The following GART variants were observed in gnomAD, a reference collection of about 807,000 sequenced individuals.
GART encodes the protein trifunctional purine biosynthetic protein adenosine-3.
GART carries 43 observed loss-of-function variants against 107.2 expected under a neutral mutation model. That is an observed-to-expected ratio of 0.40 (90% CI 0.31 to 0.52). The LOEUF is 0.52. GART is among the 20% of genes least tolerant of loss of function. The pLI is 0.52. For synonymous variants in GART, 434 were observed against 427.0 expected, an observed-to-expected ratio of 1.02 and a Z score of -0.20; for missense variants, 1,107 against 1,206.5, an observed-to-expected ratio of 0.92 and a Z score of 1.22.
intron 8 of GART, 114 bp downstream of exon 8, chr21:33,528,736 A>T (rs2085123837): frequency 9.8e-7 from 1 of 1,017,174 alleles, no homozygotes; most frequent in Admixed American, 3.0e-5. Flanking sequence ...ACATTTAAAA[A>T]ATGGTCCATT....
At chr21:33,534,874 G>A in intron 3 of GART, 121 bp from the exon 4 acceptor site, 1 of 788,128 alleles carries the variant, frequency 1.3e-6, no homozygotes, top group Non-Finnish European at 1.9e-6. Context: ...GGTGGCAGAG[G>A]ATAACTAACT....
intron 16 of GART, among the ~76,000 whole-genome samples, chr21:33,512,764 T>A (rs76886573): frequency 5.9e-4 from 9 of 15,306 alleles, no homozygotes; most frequent in African/African-American, 1.4e-3. Flanking sequence ...ATTTAAAAAA[T>A]TTTTTTTTTG....
Position 33,535,252 on chromosome 21 carries a change from C to A in GART, c.214G>T (p.Val72Phe). 1 of 1,426,346 alleles carries A rather than the reference C, an allele frequency of 7.0e-7. No homozygotes were observed. The highest frequency in any genetic ancestry group is 9.4e-7 in the Non-Finnish European group (1 of 1,065,824). 88.4% of individuals were successfully genotyped at this position (1,426,346 alleles called of 1,614,324 possible). Reference protein sequence around the residue: ...CKEKKIEFVVVGPEAPLAAGI... With the variant: ...CKEKKIEFVVFGPEAPLAAGI... Reference sequence around the variant, plus strand: ...GCAGCCAGAGGTGCTTCTGGTCCAACAACTACAAATTCAATTTTCTTCTCT... The same window carrying A: ...GCAGCCAGAGGTGCTTCTGGTCCAAAAACTACAAATTCAATTTTCTTCTCT... The change falls in exon 3 of 22, where the codon GTT becomes TTT. Residue 72 changes from valine (V) to phenylalanine (F), a missense_variant. Val to Phe is a conservative substitution (Grantham distance 50). Transcript: ENST00000381815.
chr21:33,509,599 G>T, intron 18 of GART, 184 bp downstream of exon 18: 1 of 462,668 alleles, frequency 2.2e-6, no homozygotes, highest in Non-Finnish European at 3.6e-6. Context: ...TTTTTTCTTT[G>T]GGAGCTGTCT....
intron 2 of GART, among the ~76,000 whole-genome samples, chr21:33,536,661 T>A (rs983860831): frequency 6.6e-6 from 1 of 152,212 alleles, no homozygotes; most frequent in African/African-American, 2.4e-5. Context: ...ATTATAACTA[T>A]ATGCCAGCAT....
In GART at chr21:33,521,371, CCT is replaced by C. The variant is rs566026380; in HGVS notation, c.1394-358_1394-357del. On this transcript the variant is annotated intron_variant, in intron 12 of 21. Transcript: ENST00000381815. ...TTAAGGCTGGGCGTGGTGGCTCACC[CCT>C]GTAATCCCAGCACTTTGGGAGGCCG... 5.4e-3 allele frequency among the ~76,000 whole-genome samples: 824 copies of C among 152,186 alleles called. 9 individuals carry two copies. The highest frequency in any genetic ancestry group is 0.019 in the African/African-American group (786 of 41,532).
chr21:33,515,674 A>AC (rs2084863690), intron 16 of GART, among the ~76,000 whole-genome samples: 1 of 150,450 alleles, frequency 6.6e-6, no homozygotes, highest in Non-Finnish European at 1.5e-5. Flanking sequence ...AAAAAAAAAA[A>AC]ACGAAAAACA....
chr21:33,518,790 C>G, intron 14 of GART: 1 of 492,428 alleles, frequency 2.0e-6, no homozygotes, highest in Non-Finnish European at 4.0e-6. Context: ...TTGGGCAGAG[C>G]TTCAGTCGGT....
Position 33,517,089 on chromosome 21 carries a change from G to C in GART, c.2007C>G (p.Val669=). The stretch of plus-strand genomic sequence containing the variant: ...AGGCTTTGACATGTCCTGAACGTAG[G>C]ACAGGTAACAGTGAATGGCTGTAGA... ...TRIYSHSLLP[V]LRSGHVKAFA... Residue 669 remains valine, a synonymous_variant, in exon 16 of 22, where the codon GTC becomes GTG. Transcript: ENST00000381815. The C allele has an allele frequency of 6.2e-7, 1 of 1,613,850 alleles. No homozygotes were observed. Among genetic ancestry groups the C allele is most frequent in the Non-Finnish European group, 8.5e-7 (1 of 1,179,902 alleles).
intron 8 of GART, 57 bp from the exon 9 acceptor site, chr21:33,528,661 C>T: frequency 1.7e-6 from 2 of 1,178,194 alleles, no homozygotes; most frequent in East Asian, 5.0e-5. Context: ...GATGAAGACA[C>T]TGTATTACAA....
At chr21:33,531,406 G>T in intron 6 of GART, 83 bp downstream of exon 6, 3 of 1,164,608 alleles carry the variant, frequency 2.6e-6, no homozygotes, top group South Asian at 1.4e-5. Flanking sequence ...AGCAACCAGA[G>T]TATATCAAGT....
Position 33,517,367 on chromosome 21 carries a change from G to C in GART, c.1944C>G (p.Asp648Glu). 1 of 1,614,060 alleles carries C rather than the reference G, an allele frequency of 6.2e-7. No individual in the cohort carries two copies. The highest frequency in any genetic ancestry group is 8.5e-7 in the Non-Finnish European group (1 of 1,180,010). Residue 648 changes from aspartate to glutamate, a missense_variant, in exon 15 of 22, where the codon GAC (aspartate) becomes GAG (glutamate). Physicochemically the swap from Asp to Glu is conservative, Grantham distance 45. Transcript: ENST00000381815. ...CATGAGGGAGTTTACCTAAAGTCTG[G>C]TCACCACAACCATCAGGTGCTGGAG... Reference protein sequence around the residue: ...YSSPAPDGCGDQTLGDLLLTP... With the variant: ...YSSPAPDGCGEQTLGDLLLTP...
At chr21:33,510,129 C>T (rs1044414352) in intron 17 of GART, 4 of 522,488 alleles carry the variant, frequency 7.7e-6, no homozygotes, top group African/African-American at 5.8e-5. Context: ...ATTACTTCAA[C>T]TAAAAGCTGC....
intron 16 of GART, among the ~76,000 whole-genome samples, chr21:33,512,657 C>T (rs549594746): frequency 3.9e-5 from 6 of 152,080 alleles, no homozygotes; most frequent in South Asian, 2.1e-4. Flanking sequence ...GGCATGAACA[C>T]GGCTCACTGT....
At chr21:33,536,572 C>T (rs889101591) in intron 2 of GART, among the ~76,000 whole-genome samples, 22 of 152,190 alleles carry the variant, frequency 1.4e-4, no homozygotes, top group African/African-American at 4.8e-4. Flanking sequence ...TTTTCCTATA[C>T]ATAAACACCT....
At chr21:33,530,957 T>C in intron 6 of GART, 73 bp from the exon 7 acceptor site, 3 of 1,374,448 alleles carry the variant, frequency 2.2e-6, no homozygotes, top group Non-Finnish European at 2.9e-6. Flanking sequence ...TGAGGCAAAC[T>C]ATATGTCCCT....
chr21:33,511,426 A>G lies in GART; in HGVS notation c.2140T>C (p.Ser714Pro), dbSNP rs780878694. 1.9e-6 allele frequency: 3 copies of G among 1,614,172 alleles called. No homozygotes were observed. The highest frequency in any genetic ancestry group is 2.5e-6 in the Non-Finnish European group (3 of 1,180,028). Residue 714 changes from serine (S) to proline (P), a missense_variant, in exon 17 of 22, where the codon TCA (serine) becomes CCA (proline). By Grantham distance (74) the Ser-to-Pro change is moderately conservative. Transcript: ENST00000381815. ...AQTWRIPRVF[S>P]WLQQEGHLSE... The stretch of plus-strand genomic sequence containing the variant: ...AGGTGTCCTTCCTGCTGCAACCATG[A>G]GAAGACCCTGGGGATCCTCCAGGTC...
chr21:33,506,433 C>T (rs921350703), intron 18 of GART, among the ~76,000 whole-genome samples: 3 of 152,244 alleles, frequency 2.0e-5, no homozygotes, highest in South Asian at 2.1e-4. Context: ...TGAGCCACCG[C>T]GCCCAACCTC....
At chr21:33,504,947 CTATTT>C (rs979423726) in intron 20 of GART, among the ~76,000 whole-genome samples, 2 of 152,214 alleles carry the variant, frequency 1.3e-5, no homozygotes, top group Non-Finnish European at 2.9e-5. Context: ...AAGGCATTGT[CTATTT>C]TATATCACAC....
Sources: gnomAD v4.1 joint callset for allele counts (sites outside exome capture counted in the v4.1 genomes callset) on GRCh38, gnomAD v4.1.1 for gene constraint, MANE v1.5 for transcripts, NCBI Gene and HGNC (gene_info 2026-07-23, HGNC 2026-07-21) for gene names.